The following CTNNA3 variants were observed in gnomAD, a reference collection of about 807,000 sequenced individuals.
The protein encoded by CTNNA3 is catenin alpha 3, also known as catenin alpha-3.
CTNNA3 carries 76 observed loss-of-function variants against 95.7 expected under a neutral mutation model. The observed-to-expected ratio is 0.79, with a 90% CI of 0.66 to 0.96. CTNNA3 has a LOEUF of 0.96. Among genes scored for constraint, CTNNA3 ranks in the 40% least tolerant of loss-of-function variants. The pLI is 0.00. For synonymous variants in CTNNA3, 431 were observed against 374.4 expected (o/e 1.15, Z -1.74); for missense variants, 1,191 against 1,089.8 (o/e 1.09, Z -1.31).
intron 7 of CTNNA3, among the ~76,000 whole-genome samples, chr10:66,816,853 A>G (rs1842108824): frequency 6.6e-6 from 1 of 152,130 alleles, no homozygotes; most frequent in Non-Finnish European, 1.5e-5. Flanking sequence ...GAATTAAATT[A>G]GAAATCAATA....
intron 17 of CTNNA3, among the ~76,000 whole-genome samples, chr10:65,931,400 G>A (rs2077250419): frequency 6.6e-6 from 1 of 152,196 alleles, no homozygotes; most frequent in African/African-American, 2.4e-5. Flanking sequence ...TTAAGCAGCA[G>A]CAGCATTAAC....
At chr10:67,754,670 G>A (rs189251435) in intron 1 of CTNNA3, among the ~76,000 whole-genome samples, 63 of 152,146 alleles carry the variant, frequency 4.1e-4, no homozygotes, top group African/African-American at 1.4e-3. Context: ...GGCAACCAAA[G>A]CAAAAATAGA....
chr10:67,366,771 C>T (rs183278649), intron 5 of CTNNA3, among the ~76,000 whole-genome samples: 82 of 152,220 alleles, frequency 5.4e-4, no homozygotes, highest in African/African-American at 1.9e-3. Flanking sequence ...CTCTCTACTC[C>T]CTATTCAATA....
At chr10:66,978,960 C>CTTTT (rs34112681) in intron 7 of CTNNA3, among the ~76,000 whole-genome samples, 65 of 83,782 alleles carry the variant, frequency 7.8e-4, no homozygotes, top group African/African-American at 1.5e-3. Context: ...TACTTATTTC[C>CTTTT]TTTTTTTTTT....
At chr10:66,974,041 A>G (rs1234607977) in intron 7 of CTNNA3, among the ~76,000 whole-genome samples, 2 of 152,216 alleles carry the variant, frequency 1.3e-5, no homozygotes, top group East Asian at 3.8e-4. Context: ...ACAAATCAAG[A>G]TATAAGAAAA....
intron 5 of CTNNA3, among the ~76,000 whole-genome samples, chr10:67,294,322 T>C (rs1334201486): frequency 3.3e-5 from 5 of 152,176 alleles, no homozygotes; most frequent in Admixed American, 3.3e-4. Context: ...AAAAAGACTA[T>C]GTGTTGCTAC....
At chr10:67,015,545 C>T (rs1852602287) in intron 7 of CTNNA3, 1 of 152,144 alleles carries the variant, frequency 6.6e-6, no homozygotes, top group African/African-American at 2.4e-5. Context: ...ATTCTCCTTA[C>T]ATGTAGCTGG....
intron 7 of CTNNA3, among the ~76,000 whole-genome samples, chr10:67,039,823 T>C (rs565788361): frequency 6.6e-6 from 1 of 152,262 alleles, no homozygotes; most frequent in East Asian, 1.9e-4. Context: ...AGATAATTAT[T>C]GATTGCTATG....
intron 9 of CTNNA3, among the ~76,000 whole-genome samples, chr10:66,651,237 A>C (rs1421235134): frequency 6.6e-6 from 1 of 152,120 alleles, no homozygotes; most frequent in Non-Finnish European, 1.5e-5. Context: ...TAGACATAAA[A>C]GTTCTCCAAG....
intron 2 of CTNNA3, among the ~76,000 whole-genome samples, chr10:67,643,142 T>C (rs1839593653): frequency 6.6e-6 from 1 of 152,150 alleles, no homozygotes; most frequent in Admixed American, 6.5e-5. Flanking sequence ...TATGCAGTCA[T>C]AAAAAAGAAC....
At chr10:66,904,638 C>A (rs1300170233) in intron 7 of CTNNA3, among the ~76,000 whole-genome samples, 1 of 152,100 alleles carries the variant, frequency 6.6e-6, no homozygotes, top group Non-Finnish European at 1.5e-5. Context: ...GGCTTATATC[C>A]AGAATCTACA....
rs1205554677 is a variant in CTNNA3 at position 67,745,551 on chromosome 10, C to T, written c.-2+17883G>A. On this transcript the variant is annotated intron_variant, in intron 1 of 17. Coordinates refer to the CTNNA3 transcript ENST00000684154. The stretch of plus-strand genomic sequence containing the variant: ...GGGAGGGATAGCATTAGGAGATATA[C>T]CTAATGCTAAATGACGAGTTAATGG... Among the ~76,000 whole-genome samples the T allele has an allele frequency of 2.7e-5, 4 of 150,904 alleles. No individual in the cohort carries two copies. In the East Asian group the frequency reaches 5.8e-4, roughly 22 times the overall value.
chr10:67,298,947 A>T (rs530991887), intron 5 of CTNNA3, among the ~76,000 whole-genome samples: 7 of 151,912 alleles, frequency 4.6e-5, no homozygotes, highest in Admixed American at 1.3e-4. Flanking sequence ...TTTTAGACGA[A>T]GTCTTGCTCT....
chr10:67,074,849 T>C (rs1856665710), intron 7 of CTNNA3, among the ~76,000 whole-genome samples: 1 of 152,202 alleles, frequency 6.6e-6, no homozygotes, highest in African/African-American at 2.4e-5. Context: ...GAATTATAAT[T>C]CATTTATGTA....
At chr10:66,696,251 T>C (rs897665337) in intron 9 of CTNNA3, among the ~76,000 whole-genome samples, 15 of 152,184 alleles carry the variant, frequency 9.9e-5, no homozygotes, top group African/African-American at 3.6e-4. Flanking sequence ...ATGTCATCAG[T>C]GTTTCAGAAA....
chr10:66,579,982 T>G (rs1296781276), intron 10 of CTNNA3, among the ~76,000 whole-genome samples: 2 of 151,772 alleles, frequency 1.3e-5, no homozygotes, highest in South Asian at 2.1e-4. Context: ...GTTTGGGGTT[T>G]GCATTATAGT....
chr10:67,651,737 C>G (rs994251897), intron 1 of CTNNA3, among the ~76,000 whole-genome samples: 3 of 151,974 alleles, frequency 2.0e-5, no homozygotes, highest in Admixed American at 6.6e-5. Context: ...TAGAAACACC[C>G]TTTCTACACC....
At chr10:67,422,640 C>T (rs1845786497) in intron 5 of CTNNA3, among the ~76,000 whole-genome samples, 1 of 152,060 alleles carries the variant, frequency 6.6e-6, no homozygotes, top group Non-Finnish European at 1.5e-5. Flanking sequence ...AGTGAGTTCT[C>T]ACTAGAACTG....
chr10:66,403,577 C>T (rs1318778424), intron 11 of CTNNA3, among the ~76,000 whole-genome samples: 1 of 152,108 alleles, frequency 6.6e-6, no homozygotes, highest in Non-Finnish European at 1.5e-5. Context: ...TCACCTTCCA[C>T]CATGTCCCTC....
Sources: gnomAD v4.1 joint callset for allele counts (sites outside exome capture counted in the v4.1 genomes callset) on GRCh38, gnomAD v4.1.1 for gene constraint, MANE v1.5 for transcripts, NCBI Gene and HGNC (gene_info 2026-07-23, HGNC 2026-07-21) for gene names.